The following TMEM144 variants were observed in gnomAD, a reference collection of about 807,000 sequenced individuals.
TMEM144 encodes transmembrane protein 144.
Under a neutral mutation model 43.6 loss-of-function variants are expected in TMEM144, and 39 were observed. The ratio of observed to expected loss-of-function variants is 0.90; its 90% confidence interval spans 0.69 to 1.17. TMEM144 has a LOEUF of 1.17. Among genes scored for constraint, TMEM144 ranks in the 50% most tolerant of loss-of-function variants. TMEM144 has a pLI of 0.00. For synonymous variants in TMEM144, 154 were observed against 133.6 expected (o/e 1.15, Z -1.06); for missense variants, 417 against 411.9 (o/e 1.01, Z -0.11).
chr4:158,219,432 T>C (rs1734404376), intron 6 of TMEM144, 42 bp downstream of exon 6: 10 of 1,567,616 alleles, frequency 6.4e-6, no homozygotes, highest in Non-Finnish European at 8.8e-6. Flanking sequence ...CTTCAAAACA[T>C]GGAGAGTGCT....
At chr4:158,237,493 C>T (rs1735408769) in intron 8 of TMEM144, 32 bp from the exon 9 acceptor site, 2 of 1,531,770 alleles carry the variant, frequency 1.3e-6, no homozygotes, top group East Asian at 4.5e-5. Flanking sequence ...TGCTTTGAGC[C>T]AAGATTAATA....
intron 8 of TMEM144, 137 bp downstream of exon 8, chr4:158,235,642 C>T (rs1735304530): frequency 3.4e-6 from 3 of 891,834 alleles, no homozygotes; most frequent in Non-Finnish European, 1.6e-6. Flanking sequence ...CTCCATGCGG[C>T]GAGGTTTTTT....
At chr4:158,223,249 C>T (rs905493035) in intron 6 of TMEM144, among the ~76,000 whole-genome samples, 3 of 152,096 alleles carry the variant, frequency 2.0e-5, no homozygotes, top group Non-Finnish European at 4.4e-5. Flanking sequence ...TTATTTTGTG[C>T]CAGAAGTACA....
chr4:158,232,751 A>C, intron 6 of TMEM144, 150 bp from the exon 7 acceptor site: 1 of 571,998 alleles, frequency 1.7e-6, no homozygotes, highest in Non-Finnish European at 3.1e-6. Flanking sequence ...TTCTGGCAAA[A>C]CGGCAGGACC....
At chr4:158,218,682 CAATT>C (rs999048830) in intron 5 of TMEM144, among the ~76,000 whole-genome samples, 1 of 152,050 alleles carries the variant, frequency 6.6e-6, no homozygotes, top group Admixed American at 6.6e-5. Context: ...ATATTGTAAC[CAATT>C]AATTAACCTT....
intron 4 of TMEM144, 135 bp downstream of exon 4, chr4:158,215,448 T>C: frequency 8.9e-7 from 1 of 1,122,756 alleles, no homozygotes; most frequent in South Asian, 2.3e-5. Context: ...TTAACTAGTT[T>C]CTTGCCTTCA....
In TMEM144 at chr4:158,240,319, C is replaced by T. The variant is rs1236001672; in HGVS notation, c.703C>T (p.His235Tyr). 6.2e-7 allele frequency: 1 copy of T among 1,613,084 alleles called. No individual in the cohort carries two copies. Among genetic ancestry groups the T allele is most frequent in the Non-Finnish European group, 8.5e-7 (1 of 1,179,648 alleles). Residue 235 changes from histidine to tyrosine, a missense_variant, in exon 10 of 13, where the codon CAC (histidine) becomes TAC (tyrosine). His to Tyr is a moderately conservative substitution (Grantham distance 83). Coordinates refer to ENST00000296529, the MANE Select transcript of TMEM144 (RefSeq NM_018342.5). ...SQYDLDYVFA[H>Y]FSGIFLTSTV... ...TTCAGATTTAGACTATGTGTTTGCG[C>T]ACTTCAGTGGCATCTTTCTTACAAG...
At chr4:158,228,223 A>G (rs1734873873) in intron 6 of TMEM144, among the ~76,000 whole-genome samples, 1 of 152,058 alleles carries the variant, frequency 6.6e-6, no homozygotes, top group African/African-American at 2.4e-5. Flanking sequence ...AGTTCCCAAG[A>G]CCAGTCCTGT....
intron 10 of TMEM144, among the ~76,000 whole-genome samples, chr4:158,240,871 C>T (rs576035502): frequency 2.0e-5 from 3 of 152,248 alleles, no homozygotes; most frequent in Non-Finnish European, 2.9e-5. Flanking sequence ...AACATACATG[C>T]TTTTGGATTT....
At chr4:158,247,346 C>G (rs1735942830) in intron 12 of TMEM144, among the ~76,000 whole-genome samples, 2 of 151,706 alleles carry the variant, frequency 1.3e-5, no homozygotes, top group Non-Finnish European at 2.9e-5. Context: ...TCCTATAGAT[C>G]TAGCTAGTTT....
chr4:158,245,001 T>C (rs891076221), intron 12 of TMEM144, among the ~76,000 whole-genome samples: 5 of 149,392 alleles, frequency 3.3e-5, no homozygotes, highest in Admixed American at 2.0e-4. Context: ...AGATGAAAGA[T>C]TTTTTTTTTA....
chr4:158,228,682 C>T (rs1226063399), intron 6 of TMEM144, among the ~76,000 whole-genome samples: 2 of 152,174 alleles, frequency 1.3e-5, no homozygotes, highest in Non-Finnish European at 2.9e-5. Flanking sequence ...ACAGGGCAGG[C>T]TTAAGCCGCC....
At chr4:158,244,452 G>T in intron 12 of TMEM144, 103 bp downstream of exon 12, 1 of 869,392 alleles carries the variant, frequency 1.2e-6, no homozygotes, top group Non-Finnish European at 1.8e-6. Context: ...CAGGTGGATC[G>T]TGAGGTTAGG....
Position 158,247,014 on chromosome 4 carries a change from C to T in TMEM144, c.954+2665C>T, listed in dbSNP as rs545376470. 2.0e-5 allele frequency among the ~76,000 whole-genome samples: 3 copies of T among 151,920 alleles called. No individual in the cohort carries two copies. The South Asian group carries it at 6.2e-4, about 32-fold the overall frequency. On this transcript the variant is annotated intron_variant, in intron 12 of 12. Coordinates refer to ENST00000296529, the MANE Select transcript of TMEM144 (RefSeq NM_018342.5). ...TGTTTTGTTTTGTTTTTGGTAAAGA[C>T]ATCTTTAAAAAGACACATCAGACTG... is the stretch of plus-strand genomic sequence containing the variant.
chr4:158,215,174 AGTTT>A lies in TMEM144; in HGVS notation c.110-12_110-9del. The A allele has an allele frequency of 6.2e-7, 1 of 1,613,294 alleles. No individual in the cohort carries two copies. The highest frequency in any genetic ancestry group is 8.5e-7 in the Non-Finnish European group (1 of 1,179,464). On this transcript the variant is annotated splice_polypyrimidine_tract_variant and intron_variant, in intron 3 of 12. Transcript: ENST00000296529. ...AATTCAATTTGAACCACTAACACTGAGTTTGTTTATTTCTAGGAATGTTTCTCCA... is the reference window on the plus strand; with the variant it reads ...AATTCAATTTGAACCACTAACACTGAGTTTATTTCTAGGAATGTTTCTCCA...
At position 158,255,217 on chromosome 4, in the gene TMEM144, A is replaced by C. The variant is rs1736421218; in HGVS notation, c.*1690A>C. The C allele has an allele frequency of 6.6e-6, 1 of 152,074 alleles. No homozygotes were observed. The highest frequency in any genetic ancestry group is 1.5e-5 in the Non-Finnish European group (1 of 68,004). 9.4% of individuals were successfully genotyped at this position (152,074 alleles called of 1,614,324 possible). ...TATTTGACTATAACTTCTTATACTC[A>C]TTTTAATTTTAACCTGAAATGTCAT... is the stretch of plus-strand genomic sequence containing the variant. On this transcript the variant is annotated 3_prime_UTR_variant, in exon 13 of 13. Coordinates refer to ENST00000296529, the MANE Select transcript of TMEM144 (RefSeq NM_018342.5).
chr4:158,221,236 A>G (rs528845166), intron 6 of TMEM144, among the ~76,000 whole-genome samples: 7 of 152,278 alleles, frequency 4.6e-5, no homozygotes, highest in African/African-American at 1.7e-4. Flanking sequence ...TGCAAGACCC[A>G]GTTGAGCAAA....
intron 9 of TMEM144, among the ~76,000 whole-genome samples, chr4:158,238,811 AT>A (rs1202107966): frequency 6.6e-6 from 1 of 152,198 alleles, no homozygotes; most frequent in African/African-American, 2.4e-5. Flanking sequence ...CAGGGACATA[AT>A]AAACAGTGTC....
At chr4:158,221,078 T>G (rs1242337699) in intron 6 of TMEM144, among the ~76,000 whole-genome samples, 1 of 152,188 alleles carries the variant, frequency 6.6e-6, no homozygotes, top group East Asian at 1.9e-4. Context: ...AAATTATTGC[T>G]TCTATCCTCT....
Sources: gnomAD v4.1 joint callset for allele counts (sites outside exome capture counted in the v4.1 genomes callset) on GRCh38, gnomAD v4.1.1 for gene constraint, MANE v1.5 for transcripts, NCBI Gene and HGNC (gene_info 2026-07-23, HGNC 2026-07-21) for gene names.